The following CPXM2 variants were observed in gnomAD, a reference collection of about 807,000 sequenced individuals.
CPXM2 encodes the protein inactive carboxypeptidase-like protein X2.
Under a neutral mutation model 86.1 loss-of-function variants are expected in CPXM2, and 66 were observed. The observed-to-expected ratio is 0.77, with a 90% CI of 0.63 to 0.94. The LOEUF (loss-of-function observed/expected upper bound fraction) is 0.94. Ranked by LOEUF, CPXM2 falls within the 40% of genes least tolerant of loss-of-function variation. The pLI, the probability that CPXM2 is intolerant of heterozygous loss-of-function variation, is 0.00. For synonymous variants in CPXM2, 388 were observed against 400.2 expected (o/e 0.97, Z 0.36); for missense variants, 948 against 1,026.3 (o/e 0.92, Z 1.04).
chr10:123,757,673 T>A (rs2133980283), intron 11 of CPXM2, among the ~76,000 whole-genome samples: 1 of 152,340 alleles, frequency 6.6e-6, no homozygotes, highest in African/African-American at 2.4e-5. Context: ...ATGCTCCTTT[T>A]TGGAGTAAAG....
intron 7 of CPXM2, 101 bp downstream of exon 7, chr10:123,780,066 A>G (rs770278597): frequency 1.9e-5 from 14 of 746,190 alleles, no homozygotes; most frequent in Non-Finnish European, 3.2e-5. Flanking sequence ...CAGATCCCTA[A>G]TCATCAATTT....
chr10:123,847,117 A>G (rs1352464855), intron 3 of CPXM2, among the ~76,000 whole-genome samples: 1 of 152,238 alleles, frequency 6.6e-6, no homozygotes, highest in Non-Finnish European at 1.5e-5. Flanking sequence ...AAGATGGAAG[A>G]GAGGAAAGGG....
At chr10:123,927,036 T>A (rs1372996321) in intron 2 of CPXM2, among the ~76,000 whole-genome samples, 1 of 152,210 alleles carries the variant, frequency 6.6e-6, no homozygotes, top group Non-Finnish European at 1.5e-5. Context: ...TGTTCATCTG[T>A]GGATGGGCAC....
intron 2 of CPXM2, among the ~76,000 whole-genome samples, chr10:123,917,909 T>C (rs1045940512): frequency 3.9e-5 from 6 of 152,196 alleles, no homozygotes; most frequent in African/African-American, 1.4e-4. Context: ...GATACAGTGG[T>C]ACAGGAGACA....
At chr10:123,910,775 C>T (rs115277588) in intron 2 of CPXM2, among the ~76,000 whole-genome samples, 6 of 152,180 alleles carry the variant, frequency 3.9e-5, no homozygotes, top group African/African-American at 1.2e-4. Flanking sequence ...TATTCTCTCA[C>T]GGTCCTGAAG....
intron 2 of CPXM2, among the ~76,000 whole-genome samples, chr10:123,935,726 C>T (rs902288071): frequency 6.6e-6 from 1 of 152,120 alleles, no homozygotes; most frequent in African/African-American, 2.4e-5. Context: ...AAGATCCAGC[C>T]AGAAATACAA....
At chr10:123,791,328 A>T (rs1847202011) in intron 6 of CPXM2, among the ~76,000 whole-genome samples, 1 of 152,162 alleles carries the variant, frequency 6.6e-6, no homozygotes, top group Admixed American at 6.5e-5. Flanking sequence ...GAGGCAGGAG[A>T]ATCGCTTGAA....
rs116463741 is a variant in CPXM2 at position 123,768,793 on chromosome 10, T to G, written c.1103-71A>C. On this transcript the variant is annotated intron_variant, in intron 8 of 13. Transcript: ENST00000241305. Reference sequence around the variant, plus strand: ...TAGGGCCAAACGGTGCTTGTCACATTGTGTTGGGGGGAAAGTCTTGAATAA... The same window carrying G: ...TAGGGCCAAACGGTGCTTGTCACATGGTGTTGGGGGGAAAGTCTTGAATAA... 4,352 of 1,339,006 alleles carry G rather than the reference T, an allele frequency of 3.3e-3. 103 individuals are homozygous for G. The African/African-American group carries it at 0.051, about 16-fold the overall frequency. 82.9% of individuals were successfully genotyped at this position (1,339,006 alleles called of 1,614,324 possible). A position where few individuals can be genotyped will look rare whatever the true frequency, so the allele number is the denominator to read the frequency against.
chr10:123,780,327 A>G, intron 6 of CPXM2, 72 bp from the exon 7 acceptor site: 3 of 996,526 alleles, frequency 3.0e-6, no homozygotes, highest in South Asian at 2.6e-5. Context: ...TTAGAGACAC[A>G]TGGGGACTGC....
chr10:123,780,100 T>C, intron 7 of CPXM2, 67 bp downstream of exon 7: 1 of 1,013,614 alleles, frequency 9.9e-7, no homozygotes. Context: ...TTTAAGTGCT[T>C]ATGGACACAT....
At chr10:123,768,290 C>T (rs943911582) in intron 9 of CPXM2, among the ~76,000 whole-genome samples, 1 of 152,048 alleles carries the variant, frequency 6.6e-6, no homozygotes, top group African/African-American at 2.4e-5. Flanking sequence ...AGGCAAATCG[C>T]TTGAATCCAG....
At chr10:123,868,555 A>G (rs543764272) in intron 2 of CPXM2, among the ~76,000 whole-genome samples, 1 of 152,320 alleles carries the variant, frequency 6.6e-6, no homozygotes, top group Non-Finnish European at 1.5e-5. Context: ...ATTTTGCAGC[A>G]GCAACCTGTG....
At position 123,891,791 on chromosome 10, in the gene CPXM2, C is replaced by G. The variant is rs1217849532; in HGVS notation, c.-132G>C. 2.1e-6 allele frequency: 1 copy of G among 480,142 alleles called. No individual in the cohort carries two copies. The highest frequency in any genetic ancestry group is 2.9e-6 in the Non-Finnish European group (1 of 339,206). The allele number at this position is 480,142 out of a possible 1,614,324, so 29.7% of individuals were successfully genotyped here. A position where few individuals can be genotyped will look rare whatever the true frequency, so the allele number is the denominator to read the frequency against. ...GGCGCGCTTGGGCGCGGGAGGCGGC[C>G]GGCTGGCTGCGCGTGTGACCGGCCC... On this transcript the variant is annotated 5_prime_UTR_variant, in exon 1 of 14. Coordinates refer to ENST00000241305, the MANE Select transcript of CPXM2 (RefSeq NM_198148.3). The surrounding 1 kb of genome is among the most constrained non-coding windows in gnomAD (Gnocchi z 5.6).
At chr10:123,929,430 C>T (rs1419661108) in intron 2 of CPXM2, among the ~76,000 whole-genome samples, 1 of 152,184 alleles carries the variant, frequency 6.6e-6, no homozygotes. Flanking sequence ...TCCCTCCAGT[C>T]TTTGACAAAA....
chr10:123,876,237 T>C (rs948669133), intron 2 of CPXM2, among the ~76,000 whole-genome samples: 1 of 152,170 alleles, frequency 6.6e-6, no homozygotes, highest in African/African-American at 2.4e-5. Context: ...AGAGCACCTG[T>C]TCTGTTCACC....
At chr10:123,921,239 C>G (rs1383786550) in intron 2 of CPXM2, among the ~76,000 whole-genome samples, 5 of 152,082 alleles carry the variant, frequency 3.3e-5, no homozygotes, top group African/African-American at 1.2e-4. Flanking sequence ...TCAGCTTTCA[C>G]CCATGTTCAT....
At chr10:123,818,357 AC>A (rs1007778147) in intron 4 of CPXM2, among the ~76,000 whole-genome samples, 6 of 152,154 alleles carry the variant, frequency 3.9e-5, no homozygotes, top group African/African-American at 1.4e-4. Flanking sequence ...ACTGCTGAGT[AC>A]CCAATTTGCC....
chr10:123,926,597 A>G (rs1321774249), intron 2 of CPXM2, among the ~76,000 whole-genome samples: 1 of 152,200 alleles, frequency 6.6e-6, no homozygotes, highest in Non-Finnish European at 1.5e-5. Context: ...ACCACGCAAA[A>G]CGGTTTAGCT....
chr10:123,785,789 C>T (rs1174869773), intron 6 of CPXM2, among the ~76,000 whole-genome samples: 4 of 152,070 alleles, frequency 2.6e-5, no homozygotes, highest in South Asian at 2.1e-4. Flanking sequence ...CTCGCCACCA[C>T]GCCTGGCTAA....
Sources: gnomAD v4.1 joint callset for allele counts (sites outside exome capture counted in the v4.1 genomes callset) on GRCh38, gnomAD v4.1.1 for gene constraint, Gnocchi (gnomAD v3.1) non-coding constraint, MANE v1.5 for transcripts, NCBI Gene and HGNC (gene_info 2026-07-23, HGNC 2026-07-21) for gene names.